LGALS8: variants seen among roughly 807,000 people sequenced by gnomAD.
LGALS8 encodes galectin-8.
LGALS8 carries 30 observed loss-of-function variants against 35.9 expected under a neutral mutation model. The observed-to-expected ratio is 0.83, with a 90% confidence interval of 0.62 to 1.13. LGALS8 has a LOEUF of 1.13. Among genes scored for constraint, LGALS8 ranks in the 50% most tolerant of loss-of-function variants. LGALS8 has a pLI of 0.00. For synonymous variants in LGALS8, 138 were observed against 136.1 expected (o/e 1.01, Z -0.10); for missense variants, 366 against 388.7 (o/e 0.94, Z 0.49).
Position 236,526,192 on chromosome 1 carries a change from C to T in LGALS8, c.45+77C>T. 1 of 1,067,646 alleles carries T rather than the reference C, an allele frequency of 9.4e-7. No individual in the cohort carries two copies. Among genetic ancestry groups the T allele is most frequent in the South Asian group, 1.3e-5 (1 of 75,044 alleles). 66.1% of individuals were successfully genotyped at this position (1,067,646 alleles called of 1,614,324 possible). A position where few individuals can be genotyped will look rare whatever the true frequency, so the allele number is the denominator to read the frequency against. On this transcript the variant is annotated intron_variant, in intron 2 of 9. Coordinates refer to ENST00000366584, the MANE Select transcript of LGALS8 (RefSeq NM_201544.4). This position sits in a 1 kb window ranked among gnomAD's most constrained non-coding sequence, Gnocchi z 4.6. ...AGAATATTAATTATCCATTGGGAGACAGGGCAAGAATAAAAGCCAGTGAAC... is the reference window on the plus strand; with the variant it reads ...AGAATATTAATTATCCATTGGGAGATAGGGCAAGAATAAAAGCCAGTGAAC...
intron 2 of LGALS8, among the ~76,000 whole-genome samples, chr1:236,529,269 C>T (rs1661005746): frequency 6.6e-6 from 1 of 151,082 alleles, no homozygotes; most frequent in African/African-American, 2.4e-5. Flanking sequence ...AGAGCAAGAA[C>T]CATGTTCAAA....
rs1660842091 is a variant in LGALS8 at position 236,526,855 on chromosome 1, T to C, written c.45+740T>C. Among the ~76,000 whole-genome samples, 1 of 152,162 alleles carries C rather than the reference T, an allele frequency of 6.6e-6. No individual in the cohort carries two copies. The highest frequency in any genetic ancestry group is 1.5e-5 in the Non-Finnish European group (1 of 68,036). On this transcript the variant is annotated intron_variant, in intron 2 of 9. Coordinates refer to ENST00000366584, the MANE Select transcript of LGALS8 (RefSeq NM_201544.4). The surrounding 1 kb of genome is among the most constrained non-coding windows in gnomAD (Gnocchi z 4.6). ...CTTAAAATGAGGCCCTAAACCAGTT[T>C]TGTTAGTGTGTGTGGGTTCAAGTTT...
chr1:236,543,021 C>T (rs781086660), intron 7 of LGALS8: 1 of 1,614,066 alleles, frequency 6.2e-7, no homozygotes, highest in South Asian at 1.1e-5. Context: ...AAAATACCAC[C>T]TATGAACTAT....
chr1:236,524,936 G>T (rs1003630777), intron 1 of LGALS8, among the ~76,000 whole-genome samples: 2 of 152,148 alleles, frequency 1.3e-5, no homozygotes, highest in African/African-American at 4.8e-5. Context: ...TGTATTGTTG[G>T]TGTGCAGTAT....
chr1:236,536,972 T>C (rs1054335109), intron 2 of LGALS8, among the ~76,000 whole-genome samples: 1 of 148,466 alleles, frequency 6.7e-6, no homozygotes, highest in African/African-American at 2.4e-5. Context: ...AAAGAACTCA[T>C]AGTGGTTTGC....
In LGALS8 at chr1:236,526,178, T is replaced by G. The variant is rs1191371101; in HGVS notation, c.45+63T>G. 2 of 1,180,586 alleles carry G rather than the reference T, an allele frequency of 1.7e-6. No homozygotes were observed. Among genetic ancestry groups the G allele is most frequent in the Non-Finnish European group, 2.5e-6 (2 of 795,564 alleles). The allele number at this position is 1,180,586 out of a possible 1,614,324, so 73.1% of individuals were successfully genotyped here. On this transcript the variant is annotated intron_variant, in intron 2 of 9. Transcript: ENST00000366584. This position sits in a 1 kb window ranked among gnomAD's most constrained non-coding sequence, Gnocchi z 4.6. Reference sequence around the variant, plus strand: ...AGGACAGATCCAATAGAATATTAATTATCCATTGGGAGACAGGGCAAGAAT... The same window carrying G: ...AGGACAGATCCAATAGAATATTAATGATCCATTGGGAGACAGGGCAAGAAT...
chr1:236,543,927 C>T (rs552973862), intron 8 of LGALS8, among the ~76,000 whole-genome samples: 3 of 148,398 alleles, frequency 2.0e-5, no homozygotes, highest in South Asian at 4.3e-4. Context: ...AGAGCAGCCC[C>T]GTAAGATCAG....
chr1:236,530,386 CCTGA>C (rs1163577186), intron 2 of LGALS8, among the ~76,000 whole-genome samples: 2 of 152,194 alleles, frequency 1.3e-5, no homozygotes, highest in Admixed American at 1.3e-4. Flanking sequence ...TGCCTGCCTT[CCTGA>C]CTGAGAGTGG....
At chr1:236,536,976 G>T (rs1199647135) in intron 2 of LGALS8, among the ~76,000 whole-genome samples, 1 of 147,144 alleles carries the variant, frequency 6.8e-6, no homozygotes, top group African/African-American at 2.5e-5. Context: ...AACTCATAGT[G>T]GTTTGCAGCT....
chr1:236,536,915 G>A (rs1288577697), intron 2 of LGALS8, among the ~76,000 whole-genome samples: 1 of 151,346 alleles, frequency 6.6e-6, no homozygotes, highest in Non-Finnish European at 1.5e-5. Flanking sequence ...CAAACTCTCA[G>A]CCAAATACAA....
intron 4 of LGALS8, 117 bp from the exon 5 acceptor site, chr1:236,540,447 C>CTGG (rs2103096082): frequency 2.5e-6 from 3 of 1,207,338 alleles, no homozygotes; most frequent in African/African-American, 3.1e-5. Context: ...GTGTGGAGAC[C>CTGG]TGTGGGAACA....
chr1:236,543,463 A>G, intron 7 of LGALS8, 97 bp from the exon 8 acceptor site: 1 of 925,886 alleles, frequency 1.1e-6, no homozygotes, highest in South Asian at 1.3e-5. Context: ...TTACAGGGTC[A>G]TGGCTCTGAA....
Position 236,551,401 on chromosome 1 carries a change from C to A in LGALS8, c.*3240C>A. The A allele has an allele frequency of 8.7e-6, 1 of 114,292 alleles. No individual in the cohort carries two copies. Among genetic ancestry groups the A allele is most frequent in the South Asian group, 1.9e-4 (1 of 5,224 alleles). 7.1% of individuals were successfully genotyped at this position (114,292 alleles called of 1,614,324 possible). A position where few individuals can be genotyped will look rare whatever the true frequency, so the allele number is the denominator to read the frequency against. Reference sequence around the variant, plus strand: ...ATAACATTTACTGTTATTTCCTGGGCCTAAGACTCTATGTTCCAGAACTGT... The same window carrying A: ...ATAACATTTACTGTTATTTCCTGGGACTAAGACTCTATGTTCCAGAACTGT... On this transcript the variant is annotated 3_prime_UTR_variant, in exon 10 of 10. Transcript: ENST00000366584.
At chr1:236,539,838 T>A (rs1174015382) in intron 4 of LGALS8, among the ~76,000 whole-genome samples, 1 of 152,354 alleles carries the variant, frequency 6.6e-6, no homozygotes, top group East Asian at 1.9e-4. Context: ...TCACAGTTTT[T>A]AACAGTTGTG....
intron 9 of LGALS8, among the ~76,000 whole-genome samples, chr1:236,547,611 C>T (rs544443186): frequency 1.7e-4 from 25 of 145,130 alleles, no homozygotes; most frequent in African/African-American, 6.0e-4. Context: ...AACAGCATCT[C>T]GGTGAACTAA....
chr1:236,539,011 A>T lies in LGALS8; in HGVS notation c.267A>T (p.Glu89Asp). Reference sequence around the variant, plus strand: ...TGATAAATGAAAAATGGGGACGGGAAGAGATCACCTATGACACGCCTTTCA... The same window carrying T: ...TGATAAATGAAAAATGGGGACGGGATGAGATCACCTATGACACGCCTTTCA... Reference protein sequence around the residue: ...NTLINEKWGREEITYDTPFKR... With the variant: ...NTLINEKWGRDEITYDTPFKR... Residue 89 changes from glutamate (E) to aspartate (D), a missense_variant, in exon 4 of 10, where the codon GAA (glutamate) becomes GAT (aspartate). Coordinates refer to ENST00000366584, the MANE Select transcript of LGALS8 (RefSeq NM_201544.4). 6.2e-7 allele frequency: 1 copy of T among 1,614,164 alleles called. No homozygotes were observed. The highest frequency in any genetic ancestry group is 8.5e-7 in the Non-Finnish European group (1 of 1,179,992).
chr1:236,535,432 G>C (rs1044315184), intron 2 of LGALS8, among the ~76,000 whole-genome samples: 2 of 151,908 alleles, frequency 1.3e-5, no homozygotes, highest in African/African-American at 4.8e-5. Context: ...ATTTAGTTGA[G>C]ATCATACTAT....
intron 3 of LGALS8, among the ~76,000 whole-genome samples, chr1:236,538,165 A>G (rs771009482): frequency 1.7e-4 from 26 of 151,750 alleles, no homozygotes; most frequent in Non-Finnish European, 3.5e-4. Context: ...GGGACAGTCT[A>G]GTTTTAGTCT....
At chr1:236,518,538 G>A (rs978091535), upstream of LGALS8, 4 of 152,178 alleles carry the variant, frequency 2.6e-5, no homozygotes, top group African/African-American at 9.7e-5. Flanking sequence ...CATTCCTGAA[G>A]ATGTTGCATA....
Sources: gnomAD v4.1 joint callset for allele counts (sites outside exome capture counted in the v4.1 genomes callset) on GRCh38, gnomAD v4.1.1 for gene constraint, Gnocchi (gnomAD v3.1) non-coding constraint, MANE v1.5 for transcripts, NCBI Gene and HGNC (gene_info 2026-07-23, HGNC 2026-07-21) for gene names.